Variants in PIK3AP1 observed in about 807,000 individuals in gnomAD.
The protein encoded by PIK3AP1 is phosphoinositide 3-kinase adapter protein 1.
Under a neutral mutation model 88.1 loss-of-function variants are expected in PIK3AP1, and 21 were observed. The observed-to-expected ratio is 0.24, with a 90% CI of 0.17 to 0.34. The LOEUF is 0.34. Among genes scored for constraint, PIK3AP1 ranks in the 10% least tolerant of loss-of-function variants. PIK3AP1 has a pLI of 1.00. For missense variants in PIK3AP1, 828 were observed against 1,035.7 expected (o/e 0.80, Z 2.75); for synonymous variants, 398 against 400.0 (o/e 1.00, Z 0.06).
intron 5 of PIK3AP1, 52 bp downstream of exon 5, chr10:96,651,457 T>C: frequency 1.2e-5 from 19 of 1,614,002 alleles, no homozygotes; most frequent in Middle Eastern, 1.6e-4. Flanking sequence ...TGATAAGCCA[T>C]GAGCAGAAAT....
chr10:96,652,812 A>C lies in PIK3AP1; in HGVS notation c.598T>G (p.Cys200Gly). The C allele has an allele frequency of 6.2e-7, 1 of 1,614,006 alleles. No individual in the cohort carries two copies. The highest frequency in any genetic ancestry group is 8.5e-7 in the Non-Finnish European group (1 of 1,180,010). The change falls in exon 4 of 17, where the codon TGT becomes GGT. Residue 200 changes from cysteine (C) to glycine (G), a missense_variant. Physicochemically the swap from Cys to Gly is radical, Grantham distance 159. Around this residue, in one of 3 missense-constraint regions of PIK3AP1, gnomAD observed 610 missense variants for 760.1 expected, o/e 0.80. Transcript: ENST00000339364. ...AETTVYVIVR[C>G]KLDDRVATEA... ...GTCGCCACCCTGTCATCCAGCTTAC[A>C]TCTCACAATAACATAGACAGTGGTT...
At chr10:96,696,477 C>G (rs550973510) in intron 2 of PIK3AP1, among the ~76,000 whole-genome samples, 2 of 152,312 alleles carry the variant, frequency 1.3e-5, no homozygotes, top group South Asian at 4.1e-4. Flanking sequence ...ATTAAATCAT[C>G]CTCTTTCCTG....
intron 14 of PIK3AP1, among the ~76,000 whole-genome samples, chr10:96,604,935 G>C (rs1008201939): frequency 2.0e-5 from 3 of 151,908 alleles, no homozygotes; most frequent in African/African-American, 7.3e-5. Context: ...TCTCGGCTCA[G>C]TGCAACCTCC....
chr10:96,653,210 G>T (rs913180520), intron 3 of PIK3AP1, among the ~76,000 whole-genome samples: 2 of 151,768 alleles, frequency 1.3e-5, no homozygotes, highest in Non-Finnish European at 2.9e-5. Context: ...TTTGAGACCA[G>T]CCTGGCCAAC....
intron 6 of PIK3AP1, among the ~76,000 whole-genome samples, chr10:96,650,260 C>T (rs1018964096): frequency 3.3e-5 from 5 of 152,216 alleles, no homozygotes; most frequent in African/African-American, 1.2e-4. Flanking sequence ...CCTTATGGTT[C>T]TCTTAGACTA....
intron 8 of PIK3AP1, among the ~76,000 whole-genome samples, chr10:96,640,828 A>T (rs1452683614): frequency 3.3e-5 from 5 of 149,676 alleles, no homozygotes; most frequent in East Asian, 3.9e-4. Context: ...CTGCTAATTT[A>T]AAAAAAAAAA....
chr10:96,613,302 A>C (rs946420375), intron 13 of PIK3AP1, among the ~76,000 whole-genome samples: 5 of 152,044 alleles, frequency 3.3e-5, no homozygotes, highest in Non-Finnish European at 5.9e-5. Context: ...CCCAGCCTGA[A>C]TTATGCACTT....
chr10:96,697,161 AGTCAAAATATGACTCC>A (rs1049413977), intron 2 of PIK3AP1, among the ~76,000 whole-genome samples: 2 of 152,226 alleles, frequency 1.3e-5, no homozygotes, highest in Non-Finnish European at 2.9e-5. Flanking sequence ...ATTTGACAAG[AGTCAAAATATGACTCC>A]GTGATAAGTA....
rs528612372 is a variant in PIK3AP1, at chr10:96,603,888, T to C, written c.2241+91A>G. 299 of 1,212,050 alleles carry C rather than the reference T, an allele frequency of 2.5e-4. 4 individuals carry two copies. The South Asian group carries it at 4.1e-3, about 17-fold the overall frequency. 75.1% of individuals were successfully genotyped at this position (1,212,050 alleles called of 1,614,324 possible). ...AATGGAATCCTATAATATATGACCTTTTGTGCCTGGCTCCTTTCACCTGGG... is the reference window on the plus strand; with the variant it reads ...AATGGAATCCTATAATATATGACCTCTTGTGCCTGGCTCCTTTCACCTGGG... On this transcript the variant is annotated intron_variant, in intron 15 of 16. Coordinates refer to ENST00000339364, the MANE Select transcript of PIK3AP1 (RefSeq NM_152309.3).
In PIK3AP1 at chr10:96,623,540, A is replaced by G. The variant is rs567983975; in HGVS notation, c.1670-3T>C. 8.1e-6 allele frequency: 13 copies of G among 1,597,576 alleles called. No individual in the cohort carries two copies. The African/African-American group carries it at 1.1e-4, about 13-fold the overall frequency. On this transcript the variant is annotated splice_region_variant and splice_polypyrimidine_tract_variant and intron_variant, in intron 10 of 16. Coordinates refer to ENST00000339364, the MANE Select transcript of PIK3AP1 (RefSeq NM_152309.3). ...CTCTTGACTTTTTTCTGCAAAAACT[A>G]TGAGATAAAGAATATTCTGATTACT...
intron 2 of PIK3AP1, among the ~76,000 whole-genome samples, chr10:96,701,880 C>T (rs1202939370): frequency 5.9e-5 from 9 of 152,012 alleles, no homozygotes; most frequent in African/African-American, 2.2e-4. Flanking sequence ...GGGTTTTTTT[C>T]TTCTTTAACA....
At chr10:96,658,187 A>T (rs1212667939) in intron 2 of PIK3AP1, among the ~76,000 whole-genome samples, 1 of 152,118 alleles carries the variant, frequency 6.6e-6, no homozygotes, top group Admixed American at 6.5e-5. Flanking sequence ...TAGGTACTTG[A>T]GGGAACCCGA....
At chr10:96,612,974 A>T (rs1589487298) in intron 13 of PIK3AP1, among the ~76,000 whole-genome samples, 1 of 84,870 alleles carries the variant, frequency 1.2e-5, no homozygotes, top group Non-Finnish European at 2.0e-5. Flanking sequence ...ATATATATAT[A>T]TATATATATT....
intron 2 of PIK3AP1, among the ~76,000 whole-genome samples, chr10:96,661,792 TAGGAC>T (rs138792870): frequency 0.36 from 51,118 of 140,830 alleles, 9,233 homozygotes; most frequent in South Asian, 0.47. Context: ...AAGGACAGGA[TAGGAC>T]AGGACAGGAC....
chr10:96,653,414 A>AAT (rs1843569368), intron 3 of PIK3AP1, among the ~76,000 whole-genome samples: 1 of 149,916 alleles, frequency 6.7e-6, no homozygotes. Flanking sequence ...TCAAAAAAAA[A>AAT]AAAAAACACA....
chr10:96,660,840 C>G (rs1379875785), intron 2 of PIK3AP1, among the ~76,000 whole-genome samples: 1 of 152,106 alleles, frequency 6.6e-6, no homozygotes, highest in African/African-American at 2.4e-5. Context: ...AATGAGCAGG[C>G]AAGCCCTGAA....
chr10:96,698,530 C>T (rs763989786), intron 2 of PIK3AP1, among the ~76,000 whole-genome samples: 16 of 151,742 alleles, frequency 1.1e-4, no homozygotes, highest in Non-Finnish European at 1.8e-4. Context: ...TAAACTAAAC[C>T]AAACTAAACT....
chr10:96,618,155 C>T (rs370384507), intron 12 of PIK3AP1, among the ~76,000 whole-genome samples: 14 of 152,264 alleles, frequency 9.2e-5, no homozygotes, highest in African/African-American at 3.1e-4. Flanking sequence ...AATATAAACC[C>T]GTCGTCTGCT....
At chr10:96,650,518 C>G (rs1257616773) in intron 6 of PIK3AP1, among the ~76,000 whole-genome samples, 4 of 152,194 alleles carry the variant, frequency 2.6e-5, no homozygotes, top group African/African-American at 9.7e-5. Flanking sequence ...GCCAGCCACC[C>G]AGGAGCAGTT....
Sources: gnomAD v4.1 joint callset for allele counts (sites outside exome capture counted in the v4.1 genomes callset) on GRCh38, gnomAD v4.1.1 for gene constraint, gnomAD v4.1.1 regional missense constraint, MANE v1.5 for transcripts, NCBI Gene and HGNC (gene_info 2026-07-23, HGNC 2026-07-21) for gene names.